CCSER1: variants seen among roughly 807,000 people sequenced by gnomAD.
The protein encoded by CCSER1 is serine-rich coiled-coil domain-containing protein 1.
A neutral mutation model predicts 82.0 loss-of-function variants in CCSER1; 41 were observed. The observed-to-expected ratio is 0.50, with a 90% CI of 0.39 to 0.65. CCSER1 has a LOEUF of 0.65. CCSER1 is among the 30% of genes least tolerant of loss of function. The probability of loss-of-function intolerance (pLI) is 0.00; values close to 1 mark genes in which losing one functional copy is unlikely to be tolerated. For missense variants in CCSER1, 1,119 were observed against 1,064.2 expected, an observed-to-expected ratio of 1.05 and a Z score of -0.72; for synonymous variants, 414 against 383.9, an observed-to-expected ratio of 1.08 and a Z score of -0.92.
At chr4:91,284,876 C>T (rs1038696741) in intron 10 of CCSER1, among the ~76,000 whole-genome samples, 3 of 152,010 alleles carry the variant, frequency 2.0e-5, no homozygotes, top group South Asian at 2.1e-4. Flanking sequence ...GAGAAGGATC[C>T]GTGAATCACT....
intron 7 of CCSER1, among the ~76,000 whole-genome samples, chr4:90,779,300 T>C (rs146292978): frequency 9.2e-5 from 14 of 152,308 alleles, no homozygotes; most frequent in African/African-American, 3.1e-4. Context: ...TTTTCTGTGG[T>C]AAAATCTTAC....
At chr4:91,360,220 G>A (rs1368314485) in intron 10 of CCSER1, among the ~76,000 whole-genome samples, 4 of 151,658 alleles carry the variant, frequency 2.6e-5, no homozygotes, top group Non-Finnish European at 4.4e-5. Context: ...TCTGTTCCCC[G>A]AGTCTGCAAA....
In CCSER1 at chr4:91,600,179, T is replaced by G. The variant is rs763861836; in HGVS notation, c.*1122T>G. ...TTCTAACAGGAATATTTAAAACCCA[T>G]TTGATGGCAAATATTTCTCTTTGAC... On this transcript the variant is annotated 3_prime_UTR_variant, in exon 11 of 11. Transcript: ENST00000509176. 1.1e-4 allele frequency: 17 copies of G among 152,122 alleles called. No homozygotes were observed. The highest frequency in any genetic ancestry group is 2.2e-4 in the Non-Finnish European group (15 of 68,014). 9.4% of individuals were successfully genotyped at this position (152,122 alleles called of 1,614,324 possible).
chr4:91,229,780 A>T (rs1023791878), intron 10 of CCSER1, among the ~76,000 whole-genome samples: 1 of 152,154 alleles, frequency 6.6e-6, no homozygotes, highest in Non-Finnish European at 1.5e-5. Flanking sequence ...TGGGAGTTAA[A>T]CAATGAGAAC....
chr4:90,959,671 C>A (rs886778597), intron 9 of CCSER1, among the ~76,000 whole-genome samples: 1 of 123,866 alleles, frequency 8.1e-6, no homozygotes, highest in Non-Finnish European at 1.7e-5. Context: ...ACACCATTAC[C>A]TGGGACTTCC....
At chr4:91,178,150 G>A (rs1234783440) in intron 10 of CCSER1, among the ~76,000 whole-genome samples, 1 of 152,130 alleles carries the variant, frequency 6.6e-6, no homozygotes. Context: ...TTGAGTTCTA[G>A]TTTGTTTGCC....
intron 10 of CCSER1, among the ~76,000 whole-genome samples, chr4:91,288,121 CACACTCATGTATATATATAT>C (rs1248056945): frequency 1.9e-3 from 111 of 59,660 alleles, no homozygotes; most frequent in African/African-American, 5.8e-3. Flanking sequence ...TATATATATA[CACACTCATGTATATATATAT>C]ACACTCGTAT....
intron 7 of CCSER1, among the ~76,000 whole-genome samples, chr4:90,802,864 C>T (rs1023564919): frequency 1.3e-5 from 2 of 151,694 alleles, no homozygotes; most frequent in Non-Finnish European, 1.5e-5. Flanking sequence ...TCATCTCTGA[C>T]CTCTGTCCTT....
rs529208721 is a variant in CCSER1 at position 90,736,634 on chromosome 4, G to A, written c.2010+12643G>A. Among the ~76,000 whole-genome samples the A allele has an allele frequency of 2.9e-4, 38 of 130,250 alleles. No homozygotes were observed. In the South Asian group the frequency reaches 7.9e-3, roughly 27 times the overall value. The allele number at this position is 130,250 out of a possible 152,430, so 85.4% of individuals were successfully genotyped here. ...TTTCTTGTAGGAAACAGATTATTAG[G>A]TCATTTTTTTTATCCATTCAGCCAC... On this transcript the variant is annotated intron_variant, in intron 7 of 10. Coordinates refer to ENST00000509176, the MANE Select transcript of CCSER1 (RefSeq NM_001145065.2).
chr4:90,898,143 G>A (rs924218300), intron 8 of CCSER1, among the ~76,000 whole-genome samples: 4 of 150,504 alleles, frequency 2.7e-5, no homozygotes, highest in Non-Finnish European at 5.9e-5. Flanking sequence ...TTTTCTTTTT[G>A]TTCCATTTGC....
intron 5 of CCSER1, among the ~76,000 whole-genome samples, chr4:90,591,441 C>T (rs997556204): frequency 3.9e-5 from 6 of 152,042 alleles, no homozygotes; most frequent in Admixed American, 1.3e-4. Context: ...AAAAAGCTCA[C>T]CATCACTGGT....
intron 4 of CCSER1, among the ~76,000 whole-genome samples, chr4:90,433,832 T>C (rs1758634757): frequency 6.6e-6 from 1 of 151,838 alleles, no homozygotes; most frequent in African/African-American, 2.4e-5. Flanking sequence ...AATGGTATTT[T>C]TGAATGAATG....
At chr4:90,694,283 A>G (rs1434574994) in intron 6 of CCSER1, among the ~76,000 whole-genome samples, 1 of 152,002 alleles carries the variant, frequency 6.6e-6, no homozygotes, top group East Asian at 1.9e-4. Context: ...AATAATCCAC[A>G]ATTGTAGTGT....
chr4:90,448,346 A>G (rs960853821), intron 4 of CCSER1, among the ~76,000 whole-genome samples: 1 of 150,424 alleles, frequency 6.6e-6, no homozygotes, highest in African/African-American at 2.4e-5. Flanking sequence ...AACTGCTGCA[A>G]GGATAGCTCC....
chr4:91,279,112 G>T (rs1281612444), intron 10 of CCSER1, among the ~76,000 whole-genome samples: 1 of 151,194 alleles, frequency 6.6e-6, no homozygotes. Flanking sequence ...CTCCTGGCCT[G>T]TGAGGTTTCT....
At chr4:90,530,565 T>C (rs868326407) in intron 5 of CCSER1, among the ~76,000 whole-genome samples, 14 of 152,270 alleles carry the variant, frequency 9.2e-5, no homozygotes, top group African/African-American at 3.4e-4. Context: ...GGAATATTCA[T>C]GGAGATTCCT....
In CCSER1 at chr4:90,403,759, A is replaced by G. The variant is rs1753290091; in HGVS notation, c.1603+3630A>G. ...GAATTTTTGGCTACAGAGTCTTATT[A>G]TGGTAGTTTATAGTAGGGCTTACTA... On this transcript the variant is annotated intron_variant, in intron 4 of 10. Transcript: ENST00000509176. Among the ~76,000 whole-genome samples the G allele has an allele frequency of 2.6e-5, 4 of 152,142 alleles. No individual in the cohort carries two copies. The South Asian group carries it at 8.3e-4, about 31-fold the overall frequency.
At chr4:90,620,433 T>C (rs1465572240) in intron 5 of CCSER1, among the ~76,000 whole-genome samples, 1 of 152,160 alleles carries the variant, frequency 6.6e-6, no homozygotes, top group East Asian at 1.9e-4. Context: ...CTATACTAAA[T>C]TTGATTAGTC....
rs1337581775 is a variant in CCSER1 at position 90,628,834 on chromosome 4, C to G, written c.1932+602C>G. The stretch of plus-strand genomic sequence containing the variant: ...CAGAAATCAGCCATTCTTTAGGACT[C>G]AAGTTTGCTTTGGTTTGATTTTTAT... On this transcript the variant is annotated intron_variant, in intron 6 of 10. Transcript: ENST00000509176. 2.0e-5 allele frequency among the ~76,000 whole-genome samples: 3 copies of G among 152,172 alleles called. No homozygotes were observed. The East Asian group carries it at 5.8e-4, about 29-fold the overall frequency.
Sources: allele counts gnomAD v4.1 joint callset (sites outside exome capture counted in the v4.1 genomes callset), GRCh38; gene constraint gnomAD v4.1.1; transcripts MANE v1.5; gene names NCBI Gene and HGNC (gene_info 2026-07-23, HGNC 2026-07-21).